Variants in OR51B5 observed in about 807,000 individuals in gnomAD.
OR51B5 encodes olfactory receptor 51B5.
For synonymous variants in OR51B5, 186 were observed against 144.8 expected (o/e 1.28, Z -2.04); for missense variants, 456 against 374.6 (o/e 1.22, Z -1.79).
intron 1 of OR51B5, among the ~76,000 whole-genome samples, chr11:5,467,318 T>G (rs1851152047): frequency 6.6e-6 from 1 of 152,232 alleles, no homozygotes; most frequent in Admixed American, 6.5e-5. Flanking sequence ...AGGGGGTGTT[T>G]GGGAGAAATT....
intron 1 of OR51B5, chr11:5,383,849 C>T (rs1009354291): frequency 2.0e-5 from 3 of 152,180 alleles, no homozygotes; most frequent in African/African-American, 7.2e-5. Context: ...TTGTGTCATC[C>T]TTATCTATAC....
intron 1 of OR51B5, among the ~76,000 whole-genome samples, chr11:5,412,117 C>T (rs951920413): frequency 5.9e-5 from 9 of 152,192 alleles, no homozygotes; most frequent in Non-Finnish European, 1.5e-5. Flanking sequence ...TCTCCTCCTC[C>T]TCAAATTCAA....
chr11:5,342,594 C>T (rs966548156), exon 1 of OR51B5: 4 of 1,578,632 alleles, frequency 2.5e-6, no homozygotes, highest in Non-Finnish European at 2.6e-6. Context: ...GATCAGGTTC[C>T]AATTCTATGG....
At chr11:5,441,587 C>T in intron 1 of OR51B5, 2 of 1,135,388 alleles carry the variant, frequency 1.8e-6, no homozygotes, top group Non-Finnish European at 2.5e-6. Flanking sequence ...TTTCAGATAT[C>T]CTGTCTCCAA....
At chr11:5,359,668 A>C (rs1383004523) in intron 1 of OR51B5, among the ~76,000 whole-genome samples, 4 of 150,258 alleles carry the variant, frequency 2.7e-5, no homozygotes, top group Non-Finnish European at 5.9e-5. Flanking sequence ...GGAACCAAAA[A>C]AGAGCCCACA....
rs1168165865 is a variant in OR51B5 at position 5,459,609 on chromosome 11, C to G, written n.84+45960G>C. ...TTCTCAAAAGAAGATATACAGGTGG[C>G]CAAGAAGCATGTGAAATAAAAGCCC... On this transcript the variant is annotated intron_variant and non_coding_transcript_variant, in intron 1 of 4. Coordinates refer to the OR51B5 transcript ENST00000415970. Among the ~76,000 whole-genome samples, 143 of 138,672 alleles carry G rather than the reference C, an allele frequency of 1.0e-3. 5 individuals carry two copies. In the South Asian group the frequency reaches 0.029, roughly 28 times the overall value. 91.0% of individuals were successfully genotyped at this position (138,672 alleles called of 152,430 possible). A position where few individuals can be genotyped will look rare whatever the true frequency, so the allele number is the denominator to read the frequency against.
chr11:5,496,138 G>A (rs1851647273), intron 1 of OR51B5, among the ~76,000 whole-genome samples: 2 of 148,708 alleles, frequency 1.3e-5, no homozygotes, highest in Admixed American at 1.4e-4. Context: ...CATGCTTCTT[G>A]CTTGTGTAGT....
intron 1 of OR51B5, among the ~76,000 whole-genome samples, chr11:5,448,122 C>T (rs897816568): frequency 6.6e-6 from 1 of 152,094 alleles, no homozygotes; most frequent in Non-Finnish European, 1.5e-5. Flanking sequence ...ACAATGATAC[C>T]TTCATATTCC....
chr11:5,469,279 G>A (rs572890443), intron 1 of OR51B5: 1 of 155,202 alleles, frequency 6.4e-6, no homozygotes, highest in South Asian at 2.0e-4. Context: ...TTATGATAAA[G>A]AGGATGAGGA....
chr11:5,499,642 A>C (rs901596335), intron 1 of OR51B5, among the ~76,000 whole-genome samples: 3 of 152,162 alleles, frequency 2.0e-5, no homozygotes, highest in Non-Finnish European at 4.4e-5. Flanking sequence ...TATCCTCTTA[A>C]CTGCACAAGT....
At chr11:5,482,006 T>C (rs1181711762) in intron 1 of OR51B5, among the ~76,000 whole-genome samples, 1 of 119,456 alleles carries the variant, frequency 8.4e-6, no homozygotes, top group Non-Finnish European at 1.7e-5. Flanking sequence ...AAAAAACTAC[T>C]TTAAAGTTCA....
At chr11:5,399,396 G>A (rs1291396950) in intron 1 of OR51B5, among the ~76,000 whole-genome samples, 1 of 152,116 alleles carries the variant, frequency 6.6e-6, no homozygotes, top group Non-Finnish European at 1.5e-5. Context: ...GGTTGCTAAA[G>A]GCTCACATTA....
Position 5,387,558 on chromosome 11 carries a change from C to T in OR51B5, n.85-40648G>A, listed in dbSNP as rs180771670. On this transcript the variant is annotated intron_variant and non_coding_transcript_variant, in intron 1 of 4. Coordinates refer to the OR51B5 transcript ENST00000415970. ...GTATAATAAAATTCAAAGTAGCTTG[C>T]GTGACCTGCAAGATCATACATGACG... 3.0e-4 allele frequency among the ~76,000 whole-genome samples: 45 copies of T among 152,154 alleles called. 1 individual carries two copies. In the South Asian group the frequency reaches 7.9e-3, roughly 27 times the overall value.
intron 1 of OR51B5, among the ~76,000 whole-genome samples, chr11:5,460,979 G>A (rs1242596296): frequency 1.3e-5 from 2 of 152,208 alleles, no homozygotes; most frequent in African/African-American, 2.4e-5. Context: ...CCAGCTCACT[G>A]GCAACAACAC....
At chr11:5,468,396 G>A (rs767255301) in intron 1 of OR51B5, 16 of 288,310 alleles carry the variant, frequency 5.5e-5, no homozygotes, top group Non-Finnish European at 1.0e-4. Flanking sequence ...TCTGGAGGGA[G>A]ATTGAAAGGC....
chr11:5,489,709 G>C, intron 1 of OR51B5: 1 of 1,259,312 alleles, frequency 7.9e-7, no homozygotes, highest in South Asian at 1.3e-5. Context: ...TAGGATGGCT[G>C]TCTAGATACA....
At chr11:5,377,283 A>G (rs1341069053) in intron 1 of OR51B5, among the ~76,000 whole-genome samples, 1 of 152,196 alleles carries the variant, frequency 6.6e-6, no homozygotes, top group East Asian at 1.9e-4. Context: ...AAAACTTTCA[A>G]TAAATTAGGT....
chr11:5,392,074 AAAAC>A (rs138842473), intron 1 of OR51B5: 56,074 of 151,872 alleles, frequency 0.37, 10,458 homozygotes, highest in South Asian at 0.42. Context: ...AATAAAAAGG[AAAAC>A]AAACAAAATT....
chr11:5,478,860 G>C (rs1851363607), intron 1 of OR51B5, among the ~76,000 whole-genome samples: 2 of 150,440 alleles, frequency 1.3e-5, no homozygotes, highest in Non-Finnish European at 3.0e-5. Flanking sequence ...ATGGGACTAT[G>C]TGAAAAGACC....
Sources: gnomAD v4.1 joint callset for allele counts (sites outside exome capture counted in the v4.1 genomes callset) on GRCh38, gnomAD v4.1.1 for gene constraint, MANE v1.5 for transcripts, NCBI Gene and HGNC (gene_info 2026-07-23, HGNC 2026-07-21) for gene names.